The following CLSTN2 variants were observed in gnomAD, a reference collection of about 807,000 sequenced individuals.
CLSTN2 encodes calsyntenin-2.
CLSTN2 carries 48 observed loss-of-function variants against 101.2 expected under a neutral mutation model. The observed-to-expected ratio is 0.47, with a 90% CI of 0.38 to 0.60. The LOEUF is 0.60. Among genes scored for constraint, CLSTN2 ranks in the 20% least tolerant of loss-of-function variants. The pLI is 0.00. For synonymous variants in CLSTN2, 481 were observed against 463.6 expected, an observed-to-expected ratio of 1.04 and a Z score of -0.48; for missense variants, 1,160 against 1,238.2, an observed-to-expected ratio of 0.94 and a Z score of 0.95.
chr3:139,950,784 T>C (rs1935282932), intron 1 of CLSTN2, among the ~76,000 whole-genome samples: 1 of 152,218 alleles, frequency 6.6e-6, no homozygotes, highest in South Asian at 2.1e-4. Context: ...AAATGATATG[T>C]ATTTCAACAA....
intron 2 of CLSTN2, among the ~76,000 whole-genome samples, chr3:140,268,303 ACT>A (rs2086713461): frequency 6.6e-6 from 1 of 152,068 alleles, no homozygotes; most frequent in African/African-American, 2.4e-5. Flanking sequence ...GCATTCTTTC[ACT>A]CAGCCCTTTT....
chr3:139,994,692 C>A (rs1936172242), intron 1 of CLSTN2, among the ~76,000 whole-genome samples: 1 of 152,182 alleles, frequency 6.6e-6, no homozygotes, highest in Non-Finnish European at 1.5e-5. Context: ...TTAATGCTTG[C>A]ATGACACGTC....
intron 2 of CLSTN2, among the ~76,000 whole-genome samples, chr3:140,355,370 A>C (rs771479389): frequency 5.3e-5 from 8 of 152,190 alleles, no homozygotes; most frequent in Non-Finnish European, 7.3e-5. Flanking sequence ...TTAAATGGGA[A>C]TATTAATATC....
chr3:139,939,025 G>A (rs536508408), intron 1 of CLSTN2, among the ~76,000 whole-genome samples: 21 of 151,912 alleles, frequency 1.4e-4, no homozygotes, highest in Admixed American at 1.0e-3. Context: ...AGATTTTTAT[G>A]TGAAAATTTT....
chr3:140,181,877 AC>A (rs925259422), intron 2 of CLSTN2, among the ~76,000 whole-genome samples: 11 of 152,218 alleles, frequency 7.2e-5, no homozygotes, highest in South Asian at 6.2e-4. Context: ...TCAGTTCCAT[AC>A]TCTCAGACTC....
intron 5 of CLSTN2, among the ~76,000 whole-genome samples, chr3:140,434,254 G>A (rs1307089260): frequency 1.3e-5 from 2 of 152,190 alleles, no homozygotes; most frequent in Non-Finnish European, 2.9e-5. Flanking sequence ...GCTGGCCGAG[G>A]TTGGCCCCAG....
At chr3:140,206,317 T>C (rs1465931602) in intron 2 of CLSTN2, among the ~76,000 whole-genome samples, 1 of 152,152 alleles carries the variant, frequency 6.6e-6, no homozygotes, top group Non-Finnish European at 1.5e-5. Flanking sequence ...ACATCTCCTA[T>C]AGATTGGGCT....
At chr3:140,164,439 A>C (rs568182732) in intron 1 of CLSTN2, among the ~76,000 whole-genome samples, 54 of 152,284 alleles carry the variant, frequency 3.5e-4, no homozygotes, top group African/African-American at 1.3e-3. Flanking sequence ...GCTCTAACTC[A>C]AGAGTCTCAT....
intron 5 of CLSTN2, among the ~76,000 whole-genome samples, chr3:140,443,799 C>T (rs1033486412): frequency 6.6e-6 from 1 of 152,222 alleles, no homozygotes; most frequent in Non-Finnish European, 1.5e-5. Flanking sequence ...TGGCATATCT[C>T]GTGCTACCAT....
intron 1 of CLSTN2, among the ~76,000 whole-genome samples, chr3:140,105,352 T>C (rs1023193981): frequency 6.6e-6 from 1 of 152,318 alleles, no homozygotes; most frequent in Middle Eastern, 3.4e-3. Context: ...GAAGGCATCA[T>C]ATCTTAAAAC....
intron 1 of CLSTN2, among the ~76,000 whole-genome samples, chr3:140,140,116 T>C (rs1252983972): frequency 6.6e-6 from 1 of 152,230 alleles, no homozygotes; most frequent in Admixed American, 6.5e-5. Flanking sequence ...TGTGCATTTG[T>C]AGCAAGTTTC....
At chr3:140,104,969 A>G (rs1188139421) in intron 1 of CLSTN2, among the ~76,000 whole-genome samples, 1 of 146,368 alleles carries the variant, frequency 6.8e-6, no homozygotes, top group African/African-American at 2.6e-5. Context: ...CAGAACCAAG[A>G]CTTTGTCTCA....
At chr3:140,307,657 A>G (rs1485743864) in intron 2 of CLSTN2, among the ~76,000 whole-genome samples, 3 of 152,124 alleles carry the variant, frequency 2.0e-5, no homozygotes, top group African/African-American at 4.8e-5. Context: ...TCATTGACTG[A>G]ATTTTTCAGT....
At chr3:140,276,595 C>T (rs1170105483) in intron 2 of CLSTN2, among the ~76,000 whole-genome samples, 1 of 152,180 alleles carries the variant, frequency 6.6e-6, no homozygotes, top group African/African-American at 2.4e-5. Context: ...ACCAATGGTA[C>T]AGTCATGAAC....
chr3:140,466,527 T>G, intron 7 of CLSTN2, 83 bp from the exon 8 acceptor site: 1 of 1,563,532 alleles, frequency 6.4e-7, no homozygotes, highest in Non-Finnish European at 8.8e-7. Flanking sequence ...TGTGCTGTGC[T>G]AAGTGAGTGA....
At chr3:140,149,737 A>C (rs1447524892) in intron 1 of CLSTN2, among the ~76,000 whole-genome samples, 2 of 152,174 alleles carry the variant, frequency 1.3e-5, no homozygotes, top group Non-Finnish European at 2.9e-5. Flanking sequence ...GATTACAGGC[A>C]TGAGCCACCG....
At position 140,459,663 on chromosome 3, in the gene CLSTN2, C is replaced by G. The variant is rs1406274496; in HGVS notation, c.1116C>G (p.Pro372=). 1.9e-6 allele frequency: 3 copies of G among 1,614,014 alleles called. No individual in the cohort carries two copies. The highest frequency in any genetic ancestry group is 1.7e-5 in the Admixed American group (1 of 60,012). The part of the protein sequence containing the change: ...QGAKVPDGIV[P]KNLTDQFTIT... ...CCAAAGTCCCCGATGGGATTGTGCC[C>G]AAGAACCTGACCGATCAGTTCACCA... The change falls in exon 7 of 17, where the codon CCC becomes CCG. Residue 372 remains proline (P), a synonymous_variant. Coordinates refer to ENST00000458420, the MANE Select transcript of CLSTN2 (RefSeq NM_022131.3).
At chr3:140,132,362 C>T (rs2107804653) in intron 1 of CLSTN2, among the ~76,000 whole-genome samples, 1 of 152,258 alleles carries the variant, frequency 6.6e-6, no homozygotes, top group African/African-American at 2.4e-5. Context: ...ACTTAGAATG[C>T]ATACATCTTC....
At chr3:140,126,237 T>C (rs1013933326) in intron 1 of CLSTN2, among the ~76,000 whole-genome samples, 1 of 151,818 alleles carries the variant, frequency 6.6e-6, no homozygotes, top group Non-Finnish European at 1.5e-5. Context: ...GGAGAGGTGA[T>C]GGGGAAGAAG....
Sources: gnomAD v4.1 joint callset for allele counts (sites outside exome capture counted in the v4.1 genomes callset) on GRCh38, gnomAD v4.1.1 for gene constraint, MANE v1.5 for transcripts, NCBI Gene and HGNC (gene_info 2026-07-23, HGNC 2026-07-21) for gene names.